LCN12: variants seen among roughly 807,000 people sequenced by gnomAD.
LCN12 encodes epididymal-specific lipocalin-12.
Under a neutral mutation model 23.7 loss-of-function variants are expected in LCN12, and 15 were observed. The ratio of observed to expected loss-of-function variants is 0.63; its 90% CI spans 0.42 to 0.97. The LOEUF (loss-of-function observed/expected upper bound fraction) is 0.97, where lower values mean the gene tolerates loss of function less well. Ranked by LOEUF, LCN12 falls within the 50% of genes least tolerant of loss-of-function variation. The pLI, the probability that LCN12 is intolerant of heterozygous loss-of-function variation, is 0.00. For synonymous variants in LCN12, 116 were observed against 111.5 expected (o/e 1.04, Z -0.25); for missense variants, 219 against 249.6 (o/e 0.88, Z 0.83).
chr9:136,949,965 T>G (rs2131371413), upstream of LCN12, among the ~76,000 whole-genome samples: 1 of 152,126 alleles, frequency 6.6e-6, no homozygotes, highest in African/African-American at 2.4e-5. Context: ...CTCACTGGCG[T>G]GTGCTGCCGC....
chr9:136,955,514 A>G (rs1343903592), downstream of LCN12: 2 of 1,168,558 alleles, frequency 1.7e-6, no homozygotes, highest in Non-Finnish European at 2.5e-6. Context: ...GAGTGTGACC[A>G]CTATGACCTT....
Position 136,953,634 on chromosome 9 carries a change from G to C in LCN12, c.252-66G>C. ...GAATAAGTGGCTGAAATCTCCTGAG[G>C]GGCCCACCTCAGCATGGACCTGCCA... On this transcript the variant is annotated intron_variant, in intron 2 of 5. Transcript: ENST00000371633. The C allele has an allele frequency of 7.3e-6, 9 of 1,235,200 alleles. No individual in the cohort carries two copies. In the South Asian group the frequency reaches 1.2e-4, roughly 17 times the overall value. The allele number at this position is 1,235,200 out of a possible 1,614,324, so 76.5% of individuals were successfully genotyped here.
intron 1 of LCN12, 61 bp from the exon 2 acceptor site, chr9:136,952,831 C>T: frequency 6.3e-7 from 1 of 1,578,762 alleles, no homozygotes; most frequent in East Asian, 2.2e-5. Context: ...GGAGGGGGCT[C>T]CTGACCCTGC....
intron 2 of LCN12, 187 bp from the exon 3 acceptor site, chr9:136,953,513 A>G (rs112546462): frequency 3.3e-5 from 19 of 578,072 alleles, no homozygotes; most frequent in African/African-American, 2.4e-4. Context: ...AGGCAGAAGG[A>G]TCACTTGAAC....
chr9:136,955,472 A>C lies in LCN12; in HGVS notation c.*73A>C. On this transcript the variant is annotated 3_prime_UTR_variant, in exon 6 of 6. Coordinates refer to ENST00000371633, the MANE Select transcript of LCN12 (RefSeq NM_178536.4). ...GAGCTCTGCCCTCCTCAGCTCTCAAACCTGAATAAATGCACCAAGCCCAGA... is the reference window on the plus strand; with the variant it reads ...GAGCTCTGCCCTCCTCAGCTCTCAACCCTGAATAAATGCACCAAGCCCAGA... The C allele has an allele frequency of 6.8e-7, 1 of 1,472,490 alleles. No homozygotes were observed. Among genetic ancestry groups the C allele is most frequent in the Non-Finnish European group, 9.4e-7 (1 of 1,058,344 alleles). The allele number at this position is 1,472,490 out of a possible 1,614,324, so 91.2% of individuals were successfully genotyped here. A position where few individuals can be genotyped will look rare whatever the true frequency, so the allele number is the denominator to read the frequency against.
At chr9:136,950,370 G>T (rs1851124641), upstream of LCN12, among the ~76,000 whole-genome samples, 1 of 152,204 alleles carries the variant, frequency 6.6e-6, no homozygotes, top group Non-Finnish European at 1.5e-5. Context: ...GGCCTGAGGC[G>T]CTGCTTGGAG....
chr9:136,955,695 G>A (rs1268816128), downstream of LCN12, among the ~76,000 whole-genome samples: 2 of 152,244 alleles, frequency 1.3e-5, no homozygotes, highest in Non-Finnish European at 2.9e-5. Context: ...GCCCATGGTT[G>A]CAGGTTGTAC....
intron 5 of LCN12, 128 bp downstream of exon 5, chr9:136,954,383 G>A: frequency 9.3e-7 from 1 of 1,078,764 alleles, no homozygotes; most frequent in Non-Finnish European, 1.4e-6. Flanking sequence ...GCGCTCAGGG[G>A]TCTCCAGGCT....
chr9:136,950,280 A>C (rs932995469), upstream of LCN12, among the ~76,000 whole-genome samples: 13 of 152,152 alleles, frequency 8.5e-5, no homozygotes, highest in Non-Finnish European at 1.5e-4. Flanking sequence ...ACAGAGGTTA[A>C]CGGCAGCAGC....
chr9:136,953,811 G>T, intron 3 of LCN12, 32 bp downstream of exon 3: 1 of 1,599,864 alleles, frequency 6.3e-7, no homozygotes, highest in Non-Finnish European at 8.5e-7. Context: ...GGGACGGGGT[G>T]CTGGCCCACA....
upstream of LCN12, among the ~76,000 whole-genome samples, chr9:136,950,360 G>A (rs903543056): frequency 6.6e-6 from 1 of 152,194 alleles, no homozygotes; most frequent in African/African-American, 2.4e-5. Context: ...GGGAGCATGG[G>A]GCCTGAGGCG....
intron 1 of LCN12, 21 bp from the exon 2 acceptor site, chr9:136,952,871 T>G: frequency 2.0e-5 from 17 of 832,798 alleles, no homozygotes; most frequent in East Asian, 4.2e-5. Context: ...CCGCCGCCCC[T>G]GCCCACCACC....
chr9:136,950,205 G>A (rs544170918), upstream of LCN12, among the ~76,000 whole-genome samples: 8 of 152,206 alleles, frequency 5.3e-5, no homozygotes, highest in African/African-American at 1.4e-4. Flanking sequence ...GCCCCGCGGT[G>A]GGGGGAGGAG....
upstream of LCN12, chr9:136,952,227 A>G: frequency 1.2e-6 from 1 of 823,182 alleles, no homozygotes. Flanking sequence ...CCCCCTTGGG[A>G]GGGGCACCTG....
chr9:136,951,664 G>A (rs1352805798), upstream of LCN12, among the ~76,000 whole-genome samples: 1 of 152,230 alleles, frequency 6.6e-6, no homozygotes, highest in African/African-American at 2.4e-5. Context: ...AAATGCCCCA[G>A]CTGTCCTCAC....
rs747391849 is a variant in LCN12 at position 136,952,478 on chromosome 9, G to T, written c.114+37G>T. ...TTGACGGAAGGAGAAGCAGCCGGCT[G>T]GGTCTGAGTGCAGGGAGAGGCTGGT... On this transcript the variant is annotated intron_variant, in intron 1 of 5. Transcript: ENST00000371633. 4.2e-6 allele frequency: 6 copies of T among 1,430,902 alleles called. No homozygotes were observed. In the Admixed American group the frequency reaches 1.1e-4, roughly 25 times the overall value. The allele number at this position is 1,430,902 out of a possible 1,614,324, so 88.6% of individuals were successfully genotyped here.
chr9:136,954,375 G>A (rs1420855388), intron 5 of LCN12, 120 bp downstream of exon 5: 10 of 1,150,726 alleles, frequency 8.7e-6, no homozygotes, highest in African/African-American at 3.1e-5. Flanking sequence ...CCCAGCCTGC[G>A]CTCAGGGGTC....
chr9:136,951,032 GA>G, upstream of LCN12, among the ~76,000 whole-genome samples: 1 of 152,134 alleles, frequency 6.6e-6, no homozygotes. Flanking sequence ...GGGGGGCCTG[GA>G]CAGAGGCTCA....
intron 1 of LCN12, 199 bp downstream of exon 1, chr9:136,952,640 C>A: frequency 1.6e-6 from 1 of 627,624 alleles, no homozygotes; most frequent in Non-Finnish European, 2.8e-6. Flanking sequence ...GCCGTCAGCC[C>A]AGCCCATCGC....
Sources: allele counts gnomAD v4.1 joint callset (sites outside exome capture counted in the v4.1 genomes callset), GRCh38; gene constraint gnomAD v4.1.1; transcripts MANE v1.5; gene names NCBI Gene and HGNC (gene_info 2026-07-23, HGNC 2026-07-21).